Variants in MYLK4 observed in about 807,000 individuals in gnomAD.
The protein encoded by MYLK4 is myosin light chain kinase family member 4, also known as caMLCK like.
MYLK4 carries 46 observed loss-of-function variants against 48.1 expected under a neutral mutation model. The ratio of observed to expected loss-of-function variants is 0.96; its 90% CI spans 0.75 to 1.22. The LOEUF (loss-of-function observed/expected upper bound fraction) is 1.22. Ranked by LOEUF, MYLK4 falls within the 50% of genes most tolerant of loss-of-function variation. MYLK4 has a pLI of 0.00. For missense variants in MYLK4, 451 were observed against 486.1 expected (o/e 0.93, Z 0.68); for synonymous variants, 170 against 180.8 (o/e 0.94, Z 0.48).
chr6:2,691,523 G>A (rs905691447), intron 3 of MYLK4, among the ~76,000 whole-genome samples: 11 of 152,142 alleles, frequency 7.2e-5, no homozygotes, highest in Non-Finnish European at 2.9e-5. Context: ...AATAATCTAT[G>A]TCTTACTTCA....
intron 2 of MYLK4, among the ~76,000 whole-genome samples, chr6:2,705,229 G>C (rs1008216844): frequency 5.3e-5 from 8 of 152,034 alleles, no homozygotes; most frequent in Non-Finnish European, 1.0e-4. Flanking sequence ...CCTTCACTTG[G>C]GTTCAGTTCT....
chr6:2,674,471 T>C (rs1004822768), intron 11 of MYLK4, among the ~76,000 whole-genome samples: 32 of 152,236 alleles, frequency 2.1e-4, no homozygotes, highest in African/African-American at 7.5e-4. Context: ...CATAAGACAA[T>C]GAAGTAATTC....
At chr6:2,701,470 T>C (rs6902049) in intron 2 of MYLK4, among the ~76,000 whole-genome samples, 136,217 of 152,088 alleles carry the variant, frequency 0.9, 61,065 homozygotes, top group East Asian at 1. Flanking sequence ...ACTCAAGGAG[T>C]AAAATGCTTA....
intron 6 of MYLK4, among the ~76,000 whole-genome samples, chr6:2,683,389 TTTTG>T (rs1171927501): frequency 1.3e-4 from 13 of 102,106 alleles, no homozygotes; most frequent in African/African-American, 4.3e-4. Context: ...CTCCCCACCT[TTTTG>T]TGTGTGTGTG....
At chr6:2,731,857 T>C (rs1255451295) in intron 2 of MYLK4, among the ~76,000 whole-genome samples, 1 of 152,222 alleles carries the variant, frequency 6.6e-6, no homozygotes, top group African/African-American at 2.4e-5. Context: ...AAAGTTGACA[T>C]TTTAAGGAGA....
At chr6:2,764,737 G>GA in the MYLK4 span, among the ~76,000 whole-genome samples, 1 of 152,184 alleles carries the variant, frequency 6.6e-6, no homozygotes, top group African/African-American at 2.4e-5. Flanking sequence ...TTACACAGCG[G>GA]CCCGCGAGAA....
chr6:2,754,103 T>A (rs770093800), upstream of MYLK4, among the ~76,000 whole-genome samples: 4 of 152,042 alleles, frequency 2.6e-5, no homozygotes, highest in Non-Finnish European at 4.4e-5. Context: ...GATACAGGTG[T>A]CTTATAAAAG....
At chr6:2,687,714 C>T (rs1327128129) in intron 4 of MYLK4, among the ~76,000 whole-genome samples, 1 of 152,108 alleles carries the variant, frequency 6.6e-6, no homozygotes, top group South Asian at 2.1e-4. Flanking sequence ...TGGTTCCATT[C>T]GGCACAGGGC....
chr6:2,703,868 A>C (rs1239950254), intron 2 of MYLK4, among the ~76,000 whole-genome samples: 1 of 151,790 alleles, frequency 6.6e-6, no homozygotes. Context: ...ATGGGGTTTC[A>C]CCATGCTGGC....
At chr6:2,704,796 C>T (rs1762427392) in intron 2 of MYLK4, among the ~76,000 whole-genome samples, 1 of 152,166 alleles carries the variant, frequency 6.6e-6, no homozygotes, top group Non-Finnish European at 1.5e-5. Context: ...ATCTCCTAGC[C>T]CAACATCAAA....
chr6:2,746,461 A>G (rs1178328859), intron 2 of MYLK4, among the ~76,000 whole-genome samples: 1 of 152,198 alleles, frequency 6.6e-6, no homozygotes, highest in Non-Finnish European at 1.5e-5. Context: ...AGAGCAGGAA[A>G]ACAAAAAGAA....
the MYLK4 span, chr6:2,766,339 C>T: frequency 5.2e-5 from 84 of 1,610,736 alleles, no homozygotes; most frequent in African/African-American, 4.4e-4. Context: ...TGCAGGATTA[C>T]TTCGGGCAGA....
intron 2 of MYLK4, among the ~76,000 whole-genome samples, chr6:2,733,792 T>C (rs535244909): frequency 3.9e-5 from 6 of 152,228 alleles, no homozygotes; most frequent in African/African-American, 1.2e-4. Flanking sequence ...ACACTTCTCA[T>C]GAGACCCCTG....
At chr6:2,687,740 G>A (rs1327472542) in intron 4 of MYLK4, among the ~76,000 whole-genome samples, 1 of 152,166 alleles carries the variant, frequency 6.6e-6, no homozygotes, top group Non-Finnish European at 1.5e-5. Context: ...AATACGGAGT[G>A]GGAAGAGGAG....
At chr6:2,716,587 A>G (rs564887808) in intron 2 of MYLK4, among the ~76,000 whole-genome samples, 21 of 152,350 alleles carry the variant, frequency 1.4e-4, no homozygotes, top group Non-Finnish European at 2.4e-4. Context: ...AGACCTGGCT[A>G]TGCTCAGAGG....
At chr6:2,755,655 C>T (rs562905796), upstream of MYLK4, among the ~76,000 whole-genome samples, 3 of 152,312 alleles carry the variant, frequency 2.0e-5, no homozygotes, top group African/African-American at 7.2e-5. Flanking sequence ...CCTCCTGCCT[C>T]AGCCCTCCAA....
chr6:2,672,688 T>C lies in MYLK4; in HGVS notation c.1120-1340A>G, dbSNP rs185480412. 3.3e-3 allele frequency among the ~76,000 whole-genome samples: 505 copies of C among 152,334 alleles called. No homozygotes were observed. Among genetic ancestry groups the C allele is most frequent in the African/African-American group, 0.011 (456 of 41,574 alleles). ...CTCAATATTTCCTTGAAAAGTAAGA[T>C]ATACTAAGTTTGAATATTGATTTTC... On this transcript the variant is annotated intron_variant, in intron 11 of 12. Coordinates refer to ENST00000274643, the MANE Select transcript of MYLK4 (RefSeq NM_001012418.5). This position sits in a 1 kb window ranked among gnomAD's most constrained non-coding sequence, Gnocchi z 4.3.
the MYLK4 span, among the ~76,000 whole-genome samples, chr6:2,764,181 A>T: frequency 6.6e-6 from 1 of 151,868 alleles, no homozygotes; most frequent in Non-Finnish European, 1.5e-5. Context: ...ACGTTACATG[A>T]TGATTAAAGT....
chr6:2,747,995 A>G (rs995952763), intron 2 of MYLK4, among the ~76,000 whole-genome samples: 3 of 152,172 alleles, frequency 2.0e-5, no homozygotes, highest in African/African-American at 7.2e-5. Flanking sequence ...ACATTTTGTC[A>G]TTTCTTATTC....
Sources: gnomAD v4.1 joint callset for allele counts (sites outside exome capture counted in the v4.1 genomes callset) on GRCh38, gnomAD v4.1.1 for gene constraint, Gnocchi (gnomAD v3.1) non-coding constraint, MANE v1.5 for transcripts, NCBI Gene and HGNC (gene_info 2026-07-23, HGNC 2026-07-21) for gene names.